Variants in SCFD2 observed in about 807,000 individuals in gnomAD.
SCFD2 encodes sec1 family domain-containing protein 2.
Under a neutral mutation model 58.9 loss-of-function variants are expected in SCFD2, and 54 were observed. The observed-to-expected ratio is 0.92, with a 90% CI of 0.74 to 1.15. The LOEUF is 1.15. Ranked by LOEUF, SCFD2 falls within the 50% of genes most tolerant of loss-of-function variation. The pLI is 0.00. For synonymous variants in SCFD2, 321 were observed against 335.9 expected (o/e 0.96, Z 0.49); for missense variants, 805 against 836.6 (o/e 0.96, Z 0.47).
At chr4:53,106,950 G>A (rs544591699) in intron 5 of SCFD2, among the ~76,000 whole-genome samples, 1 of 152,008 alleles carries the variant, frequency 6.6e-6, no homozygotes, top group East Asian at 1.9e-4. Context: ...TGAAACGAAG[G>A]AAAAAATGTT....
intron 5 of SCFD2, among the ~76,000 whole-genome samples, chr4:53,139,565 G>A (rs1220098992): frequency 6.0e-5 from 9 of 150,298 alleles, no homozygotes; most frequent in South Asian, 4.2e-4. Context: ...CCCTCCGCCC[G>A]GCAGCCGCCC....
chr4:53,329,571 C>A (rs1409169673), intron 2 of SCFD2, among the ~76,000 whole-genome samples: 1 of 139,220 alleles, frequency 7.2e-6, no homozygotes, highest in Non-Finnish European at 1.6e-5. Flanking sequence ...ACAGAAAGGA[C>A]ATCCACACCA....
intron 4 of SCFD2, among the ~76,000 whole-genome samples, chr4:53,243,810 C>A (rs1379254463): frequency 6.6e-6 from 1 of 152,122 alleles, no homozygotes; most frequent in Non-Finnish European, 1.5e-5. Flanking sequence ...ATCTACCAAG[C>A]AAATGGAAAG....
At chr4:53,285,594 C>T (rs1006570980) in intron 3 of SCFD2, among the ~76,000 whole-genome samples, 2 of 151,888 alleles carry the variant, frequency 1.3e-5, no homozygotes, top group Non-Finnish European at 2.9e-5. Flanking sequence ...TAAAAAACAA[C>T]TAAATTTCAA....
At chr4:53,284,044 G>A (rs376671641) in intron 3 of SCFD2, among the ~76,000 whole-genome samples, 127 of 150,872 alleles carry the variant, frequency 8.4e-4, no homozygotes, top group Middle Eastern at 6.8e-3. Context: ...GCATGAACCC[G>A]GGAGGTGGAG....
At chr4:53,168,913 G>C (rs1727092873) in intron 4 of SCFD2, among the ~76,000 whole-genome samples, 1 of 152,146 alleles carries the variant, frequency 6.6e-6, no homozygotes, top group South Asian at 2.1e-4. Context: ...CCATGCCTCA[G>C]TCTCTGATAA....
At chr4:52,970,769 G>A (rs1041800026) in intron 5 of SCFD2, among the ~76,000 whole-genome samples, 1 of 152,220 alleles carries the variant, frequency 6.6e-6, no homozygotes, top group Non-Finnish European at 1.5e-5. Context: ...GCATCCCCCA[G>A]TAGGGGCAGA....
chr4:53,328,886 G>A (rs1454521822), intron 2 of SCFD2, among the ~76,000 whole-genome samples: 16 of 152,274 alleles, frequency 1.1e-4, no homozygotes, highest in South Asian at 2.1e-4. Flanking sequence ...CAGTGGGTGC[G>A]CGCACCATGC....
chr4:53,046,659 C>T (rs1039351504), intron 5 of SCFD2, among the ~76,000 whole-genome samples: 2 of 151,730 alleles, frequency 1.3e-5, no homozygotes, highest in South Asian at 2.1e-4. Context: ...AACAAAGCTA[C>T]GTGTTTTTGT....
chr4:53,336,713 G>T (rs1231017245), intron 2 of SCFD2, among the ~76,000 whole-genome samples: 4 of 151,936 alleles, frequency 2.6e-5, no homozygotes, highest in African/African-American at 9.7e-5. Flanking sequence ...CGGAGTCTTG[G>T]TATGTTGCCC....
intron 5 of SCFD2, among the ~76,000 whole-genome samples, chr4:53,048,329 G>A (rs1302685346): frequency 7.2e-5 from 11 of 152,150 alleles, no homozygotes; most frequent in Non-Finnish European, 1.3e-4. Context: ...CAGCCTAGGT[G>A]ACAGAGCAAG....
chr4:53,182,590 T>A (rs890397310), intron 4 of SCFD2, among the ~76,000 whole-genome samples: 1 of 152,148 alleles, frequency 6.6e-6, no homozygotes, highest in African/African-American at 2.4e-5. Flanking sequence ...GACATAGGCA[T>A]GGGCAAGGAC....
At chr4:52,927,691 CA>C (rs1490080595) in intron 5 of SCFD2, among the ~76,000 whole-genome samples, 1 of 152,172 alleles carries the variant, frequency 6.6e-6, no homozygotes, top group East Asian at 1.9e-4. Flanking sequence ...AGAAGAAACA[CA>C]GTTGACTTTC....
intron 4 of SCFD2, among the ~76,000 whole-genome samples, chr4:53,236,415 A>G (rs1001878564): frequency 6.6e-6 from 1 of 150,492 alleles, no homozygotes; most frequent in African/African-American, 2.4e-5. Context: ...TATATATGAT[A>G]TATTTATTAG....
chr4:52,923,829 C>T (rs1414420390), intron 5 of SCFD2, among the ~76,000 whole-genome samples: 2 of 152,214 alleles, frequency 1.3e-5, no homozygotes, highest in African/African-American at 4.8e-5. Context: ...TTGAAATACA[C>T]TGGCTTGTGC....
At chr4:52,972,627 G>A (rs1721135600) in intron 5 of SCFD2, among the ~76,000 whole-genome samples, 1 of 152,096 alleles carries the variant, frequency 6.6e-6, no homozygotes, top group African/African-American at 2.4e-5. Context: ...AAATTAACAA[G>A]GATATCCAAG....
intron 5 of SCFD2, among the ~76,000 whole-genome samples, chr4:53,072,870 C>T (rs1404524916): frequency 1.3e-5 from 2 of 152,090 alleles, no homozygotes; most frequent in East Asian, 3.9e-4. Flanking sequence ...TTTTCTGTGG[C>T]CACAAGACAA....
At chr4:52,975,269 C>T (rs1721221079) in intron 5 of SCFD2, among the ~76,000 whole-genome samples, 1 of 152,178 alleles carries the variant, frequency 6.6e-6, no homozygotes, top group South Asian at 2.1e-4. Flanking sequence ...GCAACCTACT[C>T]ATCTGACCAT....
intron 4 of SCFD2, among the ~76,000 whole-genome samples, chr4:53,251,311 G>A (rs1289694131): frequency 6.6e-6 from 1 of 151,954 alleles, no homozygotes; most frequent in African/African-American, 2.4e-5. Flanking sequence ...GGTACAAGGA[G>A]GAACTGGTAC....
Sources: gnomAD v4.1 joint callset for allele counts (sites outside exome capture counted in the v4.1 genomes callset) on GRCh38, gnomAD v4.1.1 for gene constraint, MANE v1.5 for transcripts, NCBI Gene and HGNC (gene_info 2026-07-23, HGNC 2026-07-21) for gene names.